Variants in LIMCH1 observed in about 807,000 individuals in gnomAD.
LIMCH1 encodes LIM and calponin homology domains 1, also known as LIM and calponin homology domains-containing protein 1.
Under a neutral mutation model 176.5 loss-of-function variants are expected in LIMCH1, and 113 were observed. The ratio of observed to expected loss-of-function variants is 0.64; its 90% CI spans 0.55 to 0.75. The LOEUF (loss-of-function observed/expected upper bound fraction) is 0.75, where lower values mean the gene tolerates loss of function less well. Ranked by LOEUF, LIMCH1 falls within the 30% of genes least tolerant of loss-of-function variation. LIMCH1 has a pLI of 0.00. For missense variants in LIMCH1, 1,674 were observed against 1,814.9 expected, an observed-to-expected ratio of 0.92 and a Z score of 1.41; for synonymous variants, 619 against 645.9, an observed-to-expected ratio of 0.96 and a Z score of 0.63.
chr4:41,631,971 A>G (rs971468122), intron 10 of LIMCH1, among the ~76,000 whole-genome samples: 2 of 152,182 alleles, frequency 1.3e-5, no homozygotes, highest in African/African-American at 4.8e-5. Context: ...AAATTATATA[A>G]TAAATCAGGA....
Position 41,661,366 on chromosome 4 carries a change from T to C in LIMCH1, c.3037-54T>C, listed in dbSNP as rs913398563. The C allele has an allele frequency of 5.4e-6, 7 of 1,297,942 alleles. No individual in the cohort carries two copies. The Admixed American group carries it at 6.1e-5, about 11-fold the overall frequency. The allele number at this position is 1,297,942 out of a possible 1,614,324, so 80.4% of individuals were successfully genotyped here. On this transcript the variant is annotated intron_variant, in intron 18 of 31. Coordinates refer to ENST00000503057, the MANE Select transcript of LIMCH1 (RefSeq NM_001330672.2). ...AAAATTACTGCTTAAAAAATAATTT[T>C]TAGAACTTTTAAAGGAATCATTTAT...
At chr4:41,542,827 A>G (rs2152481006) in intron 1 of LIMCH1, among the ~76,000 whole-genome samples, 1 of 152,328 alleles carries the variant, frequency 6.6e-6, no homozygotes, top group South Asian at 2.1e-4. Flanking sequence ...AGAGAGAACA[A>G]CTTGCTATAT....
At chr4:41,623,841 G>A (rs1221460326) in intron 7 of LIMCH1, among the ~76,000 whole-genome samples, 1 of 152,208 alleles carries the variant, frequency 6.6e-6, no homozygotes, top group East Asian at 1.9e-4. Context: ...GAAGTTTCAA[G>A]CTTCCTGTCA....
intron 1 of LIMCH1, among the ~76,000 whole-genome samples, chr4:41,370,176 G>A (rs1302618016): frequency 6.6e-6 from 1 of 152,082 alleles, no homozygotes; most frequent in Non-Finnish European, 1.5e-5. Flanking sequence ...CATGCCCCCA[G>A]CATTCGGCCT....
chr4:41,605,033 C>T (rs2090508434), intron 3 of LIMCH1, among the ~76,000 whole-genome samples: 1 of 152,150 alleles, frequency 6.6e-6, no homozygotes, highest in Non-Finnish European at 1.5e-5. Context: ...ATCTTAGCTT[C>T]TACATGGGCC....
At chr4:41,370,761 G>A (rs2053841787) in intron 1 of LIMCH1, among the ~76,000 whole-genome samples, 1 of 152,148 alleles carries the variant, frequency 6.6e-6, no homozygotes, top group South Asian at 2.1e-4. Flanking sequence ...ATGTACAAGC[G>A]GTAGTCTAGG....
At chr4:41,595,221 T>C (rs759282970) in intron 1 of LIMCH1, among the ~76,000 whole-genome samples, 1 of 152,076 alleles carries the variant, frequency 6.6e-6, no homozygotes, top group Non-Finnish European at 1.5e-5. Flanking sequence ...TGCATATGTA[T>C]GTGTGTTTGT....
chr4:41,469,313 T>G (rs904599971), intron 1 of LIMCH1, among the ~76,000 whole-genome samples: 1 of 152,222 alleles, frequency 6.6e-6, no homozygotes, highest in Non-Finnish European at 1.5e-5. Flanking sequence ...TATACAAGTA[T>G]GGTTACAACT....
chr4:41,491,070 C>T (rs2070790239), intron 1 of LIMCH1, among the ~76,000 whole-genome samples: 1 of 148,506 alleles, frequency 6.7e-6, no homozygotes, highest in Admixed American at 6.7e-5. Flanking sequence ...AGGTGCACCT[C>T]ACTTCCCAGA....
intron 1 of LIMCH1, among the ~76,000 whole-genome samples, chr4:41,595,572 A>G (rs898673741): frequency 3.3e-5 from 5 of 152,162 alleles, no homozygotes; most frequent in African/African-American, 1.2e-4. Flanking sequence ...TAAATGAAAT[A>G]ATCCATGTAC....
In LIMCH1 at chr4:41,414,687, T is replaced by C. The variant is rs537150580; in HGVS notation, c.96+53751T>C. ...TCTAATGTTGGTCCTGAGTGTGAAA[T>C]TTCATACTCCTAGAATGCCAATTTC... On this transcript the variant is annotated intron_variant, in intron 1 of 26. Transcript: ENST00000313860. Among the ~76,000 whole-genome samples the C allele has an allele frequency of 2.6e-5, 4 of 152,288 alleles. No homozygotes were observed. The East Asian group carries it at 7.7e-4, about 29-fold the overall frequency.
In LIMCH1 at chr4:41,597,307, T is replaced by G. The variant is rs140821937; in HGVS notation, c.-240-1613T>G. ...CTTAGATCACTCATCTGCCAAAATT[T>G]TTCATAAAGTTGTACAGGAATTAAA... On this transcript the variant is annotated intron_variant, in intron 1 of 31. Coordinates refer to ENST00000503057, the MANE Select transcript of LIMCH1 (RefSeq NM_001330672.2). Among the ~76,000 whole-genome samples, 38 of 152,302 alleles carry G rather than the reference T, an allele frequency of 2.5e-4. No individual in the cohort carries two copies. The East Asian group carries it at 3.9e-3, about 15-fold the overall frequency.
At chr4:41,499,373 C>T (rs1271474608) in intron 2 of LIMCH1, among the ~76,000 whole-genome samples, 3 of 152,164 alleles carry the variant, frequency 2.0e-5, no homozygotes, top group East Asian at 3.8e-4. Flanking sequence ...AACTTGACTC[C>T]TAAATGTTGC....
chr4:41,470,264 A>T (rs2066757448), intron 1 of LIMCH1, among the ~76,000 whole-genome samples: 1 of 152,092 alleles, frequency 6.6e-6, no homozygotes, highest in Admixed American at 6.5e-5. Context: ...TTTCTCACCA[A>T]ATTTACTATC....
intron 21 of LIMCH1, among the ~76,000 whole-genome samples, chr4:41,670,018 C>A (rs577746293): frequency 6.6e-6 from 1 of 152,208 alleles, no homozygotes; most frequent in South Asian, 2.1e-4. Context: ...ACACACACAC[C>A]CAGGCATTCA....
intron 1 of LIMCH1, among the ~76,000 whole-genome samples, chr4:41,491,158 C>T (rs9759980): frequency 0.033 from 4,672 of 142,612 alleles, 218 homozygotes; most frequent in African/African-American, 0.11. Flanking sequence ...ACCTCCCAGA[C>T]GGGGCGGCCG....
At chr4:41,581,104 G>GTCTA (rs773185761) in intron 1 of LIMCH1, among the ~76,000 whole-genome samples, 7 of 134,058 alleles carry the variant, frequency 5.2e-5, no homozygotes, top group African/African-American at 2.2e-4. Flanking sequence ...CCATTCATCT[G>GTCTA]TCTGTCTGTC....
chr4:41,620,055 C>T, intron 6 of LIMCH1: 1 of 211,192 alleles, frequency 4.7e-6, no homozygotes. Context: ...AGGCAGAGTC[C>T]CTGCCTTCAA....
chr4:41,483,325 G>A (rs1444439579), intron 1 of LIMCH1, among the ~76,000 whole-genome samples: 1 of 152,096 alleles, frequency 6.6e-6, no homozygotes, highest in East Asian at 1.9e-4. Flanking sequence ...GGTTCTAAAG[G>A]AAAGTCTTCC....
Sources: gnomAD v4.1 joint callset for allele counts (sites outside exome capture counted in the v4.1 genomes callset) on GRCh38, gnomAD v4.1.1 for gene constraint, MANE v1.5 for transcripts, NCBI Gene and HGNC (gene_info 2026-07-23, HGNC 2026-07-21) for gene names.